PIBF1: variants seen among roughly 807,000 people sequenced by gnomAD.
PIBF1 encodes progesterone-induced-blocking factor 1.
In PIBF1, 90 loss-of-function variants were observed where a neutral mutation model predicts 112.5. That is an observed-to-expected ratio of 0.80 (90% CI 0.67 to 0.95). The LOEUF (loss-of-function observed/expected upper bound fraction) is 0.95. PIBF1 is among the 40% of genes least tolerant of loss of function. The pLI, the probability that PIBF1 is intolerant of heterozygous loss-of-function variation, is 0.00. For missense variants in PIBF1, 915 were observed against 852.3 expected, an observed-to-expected ratio of 1.07 and a Z score of -0.92; for synonymous variants, 301 against 288.6, an observed-to-expected ratio of 1.04 and a Z score of -0.44.
At chr13:72,803,099 TAC>T (rs928241946) in intron 5 of PIBF1, among the ~76,000 whole-genome samples, 2 of 152,148 alleles carry the variant, frequency 1.3e-5, no homozygotes, top group Non-Finnish European at 2.9e-5. Context: ...GCAGTTTGAT[TAC>T]AGTGTTTGAG....
chr13:72,875,733 ATCT>A (rs1360093580), intron 10 of PIBF1, among the ~76,000 whole-genome samples: 1 of 152,034 alleles, frequency 6.6e-6, no homozygotes, highest in African/African-American at 2.4e-5. Flanking sequence ...CCATCACTGT[ATCT>A]TCTTTGGTGA....
intron 12 of PIBF1, among the ~76,000 whole-genome samples, chr13:72,914,973 C>G (rs1330348467): frequency 1.3e-5 from 2 of 152,078 alleles, no homozygotes; most frequent in Non-Finnish European, 2.9e-5. Context: ...TACTGCATCT[C>G]AGATTTAATC....
intron 5 of PIBF1, among the ~76,000 whole-genome samples, chr13:72,820,922 A>G (rs1305535691): frequency 2.6e-5 from 4 of 152,194 alleles, no homozygotes; most frequent in Non-Finnish European, 4.4e-5. Context: ...AATTCTTATT[A>G]TATACCTGGC....
chr13:72,800,325 T>G (rs1265925321), intron 5 of PIBF1, among the ~76,000 whole-genome samples: 2 of 152,250 alleles, frequency 1.3e-5, no homozygotes, highest in Non-Finnish European at 2.9e-5. Flanking sequence ...CGTGAGCCAC[T>G]GCACCTGGCC....
intron 5 of PIBF1, among the ~76,000 whole-genome samples, chr13:72,811,412 A>C (rs1037659451): frequency 7.2e-5 from 11 of 152,096 alleles, no homozygotes; most frequent in Admixed American, 6.5e-4. Flanking sequence ...AGACCTGAAC[A>C]TCGGGAAACC....
At chr13:72,814,943 A>T (rs2036196977) in intron 5 of PIBF1, among the ~76,000 whole-genome samples, 2 of 152,212 alleles carry the variant, frequency 1.3e-5, no homozygotes, top group Admixed American at 6.5e-5. Context: ...TGAGAACTTG[A>T]TTTAGAACAG....
intron 16 of PIBF1, among the ~76,000 whole-genome samples, chr13:72,987,357 A>G (rs1594321597): frequency 6.8e-6 from 1 of 147,586 alleles, no homozygotes; most frequent in Non-Finnish European, 1.5e-5. Flanking sequence ...TTTATAGTTG[A>G]GTAAGGAAAA....
At chr13:72,949,768 ATTCTG>A (rs1484053239) in intron 14 of PIBF1, among the ~76,000 whole-genome samples, 6 of 152,180 alleles carry the variant, frequency 3.9e-5, no homozygotes, top group African/African-American at 7.2e-5. Context: ...ATTAGTTGCT[ATTCTG>A]TTCTGTTTCT....
chr13:72,819,680 A>G (rs867544007), intron 5 of PIBF1, among the ~76,000 whole-genome samples: 7 of 152,086 alleles, frequency 4.6e-5, no homozygotes, highest in African/African-American at 1.4e-4. Context: ...TAAGTCGACA[A>G]TGTATATAAA....
intron 16 of PIBF1, among the ~76,000 whole-genome samples, chr13:72,990,557 G>A (rs1251903656): frequency 1.5e-5 from 2 of 132,440 alleles, no homozygotes; most frequent in Non-Finnish European, 3.2e-5. Flanking sequence ...CCTTTTAAAT[G>A]AAGTTTAAAG....
At chr13:72,981,371 A>G (rs1232912653) in intron 16 of PIBF1, among the ~76,000 whole-genome samples, 1 of 152,064 alleles carries the variant, frequency 6.6e-6, no homozygotes, top group Non-Finnish European at 1.5e-5. Context: ...CAAAATAGAC[A>G]TTAAAAGTAC....
At chr13:72,809,000 GT>G (rs2035872679) in intron 5 of PIBF1, among the ~76,000 whole-genome samples, 1 of 152,002 alleles carries the variant, frequency 6.6e-6, no homozygotes, top group South Asian at 2.1e-4. Context: ...TACTTAAAAA[GT>G]TTATTCTCTA....
intron 2 of PIBF1, among the ~76,000 whole-genome samples, chr13:72,786,719 G>C (rs1337111098): frequency 6.6e-6 from 1 of 152,154 alleles, no homozygotes; most frequent in African/African-American, 2.4e-5. Context: ...ATTTAACTAA[G>C]TGTACTGCCA....
rs553064865 is a variant in PIBF1, at chr13:72,883,134, A to G, written c.1323-10650A>G. Among the ~76,000 whole-genome samples, 206 of 152,298 alleles carry G rather than the reference A, an allele frequency of 1.4e-3. 1 individual carries two copies. The highest frequency in any genetic ancestry group is 4.8e-3 in the African/African-American group (201 of 41,572). Reference sequence around the variant, plus strand: ...TAAAGAAAATGTGGTACATATACATAATGGAGTATTCTTCGGCCATAAAAA... The same window carrying G: ...TAAAGAAAATGTGGTACATATACATGATGGAGTATTCTTCGGCCATAAAAA... On this transcript the variant is annotated intron_variant, in intron 10 of 17. Transcript: ENST00000326291.
chr13:72,829,922 T>G (rs1186398986), intron 8 of PIBF1, among the ~76,000 whole-genome samples: 1 of 152,214 alleles, frequency 6.6e-6, no homozygotes, highest in Non-Finnish European at 1.5e-5. Flanking sequence ...CATGGAATGT[T>G]TTTCCATTTG....
At chr13:72,880,687 A>G (rs2039589862) in intron 10 of PIBF1, among the ~76,000 whole-genome samples, 1 of 152,214 alleles carries the variant, frequency 6.6e-6, no homozygotes, top group Admixed American at 6.5e-5. Context: ...AAAATTTGAA[A>G]CTATAAAAAT....
chr13:72,938,120 C>T (rs2041920042), intron 14 of PIBF1, among the ~76,000 whole-genome samples: 1 of 152,118 alleles, frequency 6.6e-6, no homozygotes, highest in African/African-American at 2.4e-5. Flanking sequence ...GGTTAAAATG[C>T]AATTCTCACA....
intron 12 of PIBF1, among the ~76,000 whole-genome samples, chr13:72,911,577 G>C (rs1461156656): frequency 6.6e-6 from 1 of 151,976 alleles, no homozygotes; most frequent in Non-Finnish European, 1.5e-5. Context: ...TTTTGACATG[G>C]CCCTTGAATG....
chr13:73,010,804 A>ACTTTT (rs2044173118), intron 17 of PIBF1, among the ~76,000 whole-genome samples: 1 of 64,280 alleles, frequency 1.6e-5, no homozygotes, highest in South Asian at 4.0e-4. Flanking sequence ...AAAATCATTA[A>ACTTTT]CTTTTCTTTT....
Sources: allele counts gnomAD v4.1 joint callset (sites outside exome capture counted in the v4.1 genomes callset), GRCh38; gene constraint gnomAD v4.1.1; transcripts MANE v1.5; gene names NCBI Gene and HGNC (gene_info 2026-07-23, HGNC 2026-07-21).